Variants in TNKS observed in about 807,000 individuals in gnomAD.
TNKS encodes the protein tankyrase.
A neutral mutation model predicts 135.8 loss-of-function variants in TNKS; 72 were observed. The ratio of observed to expected loss-of-function variants is 0.53; its 90% CI spans 0.44 to 0.64. TNKS has a LOEUF of 0.64. TNKS is among the 30% of genes least tolerant of loss of function. The pLI is 0.00. For missense variants in TNKS, 1,769 were observed against 1,674.0 expected, an observed-to-expected ratio of 1.06 and a Z score of -0.99; for synonymous variants, 849 against 649.3, an observed-to-expected ratio of 1.31 and a Z score of -4.68.
At position 9,752,526 on chromosome 8, in the gene TNKS, A is replaced by C. The variant is rs2128828848; in HGVS notation, c.3071-18A>C. The stretch of plus-strand genomic sequence containing the variant: ...TAGAGAATTCTTTCTGAGAATCTTT[A>C]ATATGTTTCTGTTTTAGTTGCTGGT... On this transcript the variant is annotated intron_variant, in intron 19 of 26. Transcript: ENST00000310430. 1.3e-6 allele frequency: 2 copies of C among 1,587,584 alleles called. No individual in the cohort carries two copies. Among genetic ancestry groups the C allele is most frequent in the Admixed American group, 3.4e-5 (2 of 59,058 alleles).
At chr8:9,761,300 T>C (rs964232783) in intron 20 of TNKS, among the ~76,000 whole-genome samples, 1 of 152,146 alleles carries the variant, frequency 6.6e-6, no homozygotes, top group African/African-American at 2.4e-5. Flanking sequence ...TTAATTCTCA[T>C]GGACAAAAAG....
intron 1 of TNKS, among the ~76,000 whole-genome samples, chr8:9,579,005 T>C (rs537310386): frequency 6.8e-4 from 103 of 152,324 alleles, no homozygotes; most frequent in Middle Eastern, 3.4e-3. Flanking sequence ...GTACTGGACT[T>C]TGCATAATGT....
At chr8:9,674,463 G>A (rs1383163155) in intron 3 of TNKS, among the ~76,000 whole-genome samples, 1 of 152,160 alleles carries the variant, frequency 6.6e-6, no homozygotes, top group Non-Finnish European at 1.5e-5. Context: ...ATGGAAAATG[G>A]TTATTAGGGT....
intron 3 of TNKS, among the ~76,000 whole-genome samples, chr8:9,645,355 A>G (rs1398754792): frequency 1.3e-5 from 2 of 152,214 alleles, no homozygotes; most frequent in Non-Finnish European, 1.5e-5. Flanking sequence ...GAGTTTTCAA[A>G]GACCATGCTG....
At chr8:9,606,861 C>G (rs996303315) in intron 2 of TNKS, among the ~76,000 whole-genome samples, 2 of 152,000 alleles carry the variant, frequency 1.3e-5, no homozygotes, top group Non-Finnish European at 2.9e-5. Context: ...TAAAATCACC[C>G]TTAACTTATG....
chr8:9,758,576 A>C lies in TNKS; in HGVS notation c.3154-2940A>C, dbSNP rs553254580. Among the ~76,000 whole-genome samples, 35 of 152,290 alleles carry C rather than the reference A, an allele frequency of 2.3e-4. 2 individuals carry two copies. In the South Asian group the frequency reaches 7.3e-3, roughly 32 times the overall value. On this transcript the variant is annotated intron_variant, in intron 20 of 26. Coordinates refer to ENST00000310430, the MANE Select transcript of TNKS (RefSeq NM_003747.3). Reference sequence around the variant, plus strand: ...ATTATTCCACAGTTTCTGTATGTCAACAATCTAAGCATGGCTTAGTTGGGT... The same window carrying C: ...ATTATTCCACAGTTTCTGTATGTCACCAATCTAAGCATGGCTTAGTTGGGT...
intron 26 of TNKS, among the ~76,000 whole-genome samples, chr8:9,774,908 TAGGG>T (rs1387276445): frequency 2.6e-5 from 4 of 152,094 alleles, no homozygotes; most frequent in African/African-American, 9.7e-5. Context: ...TAAAAGGAAG[TAGGG>T]GTGGGCATCC....
At chr8:9,654,132 G>T (rs1563144311) in intron 3 of TNKS, among the ~76,000 whole-genome samples, 1 of 152,202 alleles carries the variant, frequency 6.6e-6, no homozygotes, top group South Asian at 2.1e-4. Context: ...TGCAGATAGA[G>T]TGTGATGATT....
At chr8:9,716,460 C>G (rs1804604130) in intron 11 of TNKS, among the ~76,000 whole-genome samples, 1 of 152,056 alleles carries the variant, frequency 6.6e-6, no homozygotes, top group African/African-American at 2.4e-5. Flanking sequence ...CCAACTCAAT[C>G]TAGATTAAAC....
chr8:9,565,502 G>A (rs1797490257), intron 1 of TNKS, among the ~76,000 whole-genome samples: 1 of 152,074 alleles, frequency 6.6e-6, no homozygotes, highest in South Asian at 2.1e-4. Context: ...AACAAAATTT[G>A]TTTTAAATTT....
At chr8:9,573,598 T>C (rs1158032110) in intron 1 of TNKS, among the ~76,000 whole-genome samples, 3 of 152,182 alleles carry the variant, frequency 2.0e-5, no homozygotes, top group Non-Finnish European at 4.4e-5. Flanking sequence ...TTCCATGAGT[T>C]ATTTTCCTAG....
intron 3 of TNKS, among the ~76,000 whole-genome samples, chr8:9,664,909 G>C (rs1394054506): frequency 6.6e-6 from 1 of 152,156 alleles, no homozygotes; most frequent in East Asian, 1.9e-4. Context: ...ATATCCCTAT[G>C]TGCTGTCTGC....
chr8:9,752,691 G>A (rs1445050639), intron 20 of TNKS, 65 bp downstream of exon 20: 2 of 1,122,272 alleles, frequency 1.8e-6, no homozygotes, highest in Non-Finnish European at 2.6e-6. Flanking sequence ...GGATGCAGTG[G>A]TTCACACCTT....
intron 2 of TNKS, among the ~76,000 whole-genome samples, chr8:9,581,340 CCTTTGCTA>C (rs1798157192): frequency 6.6e-6 from 1 of 152,112 alleles, no homozygotes; most frequent in African/African-American, 2.4e-5. Context: ...CTGTCATTAT[CCTTTGCTA>C]CTTGAGCATC....
chr8:9,726,040 T>C (rs1372706133), intron 12 of TNKS, among the ~76,000 whole-genome samples: 1 of 152,206 alleles, frequency 6.6e-6, no homozygotes, highest in Non-Finnish European at 1.5e-5. Flanking sequence ...CCTTTTCTGT[T>C]CACTGATTAT....
chr8:9,693,217 A>G (rs1803359391), intron 5 of TNKS, among the ~76,000 whole-genome samples: 1 of 152,214 alleles, frequency 6.6e-6, no homozygotes, highest in Non-Finnish European at 1.5e-5. Flanking sequence ...GTACAGCCAC[A>G]CAATGGAAAT....
At chr8:9,661,591 G>C (rs1424516991) in intron 3 of TNKS, among the ~76,000 whole-genome samples, 1 of 152,116 alleles carries the variant, frequency 6.6e-6, no homozygotes, top group African/African-American at 2.4e-5. Flanking sequence ...ATTCAAGATG[G>C]ATTAAAGACT....
chr8:9,556,801 T>G (rs1241483208), intron 1 of TNKS, 189 bp downstream of exon 1: 6 of 512,606 alleles, frequency 1.2e-5, no homozygotes, highest in Admixed American at 3.2e-5. Flanking sequence ...TTGGGGGGGA[T>G]AAGTGAATCC....
intron 3 of TNKS, among the ~76,000 whole-genome samples, chr8:9,663,997 A>G (rs905225029): frequency 3.3e-5 from 5 of 152,200 alleles, no homozygotes; most frequent in Non-Finnish European, 5.9e-5. Flanking sequence ...CCACCCATCC[A>G]GTCACATGAT....
Sources: allele counts gnomAD v4.1 joint callset (sites outside exome capture counted in the v4.1 genomes callset), GRCh38; gene constraint gnomAD v4.1.1; transcripts MANE v1.5; gene names NCBI Gene and HGNC (gene_info 2026-07-23, HGNC 2026-07-21).